DOCK3: variants seen among roughly 807,000 people sequenced by gnomAD.
The protein encoded by DOCK3 is dedicator of cytokinesis 3, also known as dedicator of cytokinesis protein 3.
Under a neutral mutation model 265.6 loss-of-function variants are expected in DOCK3, and 60 were observed. The ratio of observed to expected loss-of-function variants is 0.23; its 90% CI spans 0.18 to 0.28. The LOEUF (loss-of-function observed/expected upper bound fraction) is 0.28, where lower values mean the gene tolerates loss of function less well. Ranked by LOEUF, DOCK3 falls within the 10% of genes least tolerant of loss-of-function variation. The pLI is 1.00. For synonymous variants in DOCK3, 881 were observed against 938.0 expected (o/e 0.94, Z 1.11); for missense variants, 1,981 against 2,594.3 (o/e 0.76, Z 5.14).
chr3:50,731,710 A>G (rs1167824720), intron 1 of DOCK3, among the ~76,000 whole-genome samples: 1 of 152,096 alleles, frequency 6.6e-6, no homozygotes, highest in Non-Finnish European at 1.5e-5. Context: ...AATGGAAAGA[A>G]CCTCCTCAGT....
intron 9 of DOCK3, among the ~76,000 whole-genome samples, chr3:51,122,324 T>A (rs562430413): frequency 1.5e-4 from 23 of 152,182 alleles, no homozygotes; most frequent in Non-Finnish European, 4.4e-5. Context: ...TACAAAAAAA[T>A]TTAAAAGTAT....
intron 5 of DOCK3, among the ~76,000 whole-genome samples, chr3:51,055,920 T>C (rs2081185416): frequency 6.6e-6 from 1 of 152,240 alleles, no homozygotes; most frequent in African/African-American, 2.4e-5. Context: ...AACTCTATAA[T>C]GGAGGATGTA....
At chr3:50,810,184 G>A (rs908490145) in intron 2 of DOCK3, among the ~76,000 whole-genome samples, 5 of 152,126 alleles carry the variant, frequency 3.3e-5, no homozygotes, top group Admixed American at 2.0e-4. Context: ...GGAGGTACAA[G>A]TGGGTTTTAG....
At chr3:51,127,536 G>A (rs1197706269) in intron 9 of DOCK3, among the ~76,000 whole-genome samples, 4 of 152,226 alleles carry the variant, frequency 2.6e-5, no homozygotes, top group African/African-American at 9.6e-5. Context: ...AAATGCTGAT[G>A]TTAAGTCAAT....
intron 5 of DOCK3, among the ~76,000 whole-genome samples, chr3:50,953,375 A>C (rs1433208739): frequency 6.6e-6 from 1 of 152,170 alleles, no homozygotes; most frequent in African/African-American, 2.4e-5. Context: ...GAGAGTGGAC[A>C]TAGCAGGGCT....
At chr3:51,227,207 A>G (rs1019061946) in intron 15 of DOCK3, 76 bp from the exon 16 acceptor site, 21 of 1,531,192 alleles carry the variant, frequency 1.4e-5, no homozygotes, top group Non-Finnish European at 1.8e-5. Context: ...CAAGAGAAAG[A>G]AAAGTGTCCT....
intron 1 of DOCK3, among the ~76,000 whole-genome samples, chr3:50,714,888 T>C (rs1014407279): frequency 2.0e-5 from 3 of 152,250 alleles, no homozygotes; most frequent in Non-Finnish European, 4.4e-5. Flanking sequence ...ATTTTTGCCT[T>C]ACTCCTATTC....
chr3:50,885,385 T>C (rs1395753000), intron 3 of DOCK3, among the ~76,000 whole-genome samples: 1 of 145,966 alleles, frequency 6.9e-6, no homozygotes, highest in Non-Finnish European at 1.5e-5. Flanking sequence ...TTTTTTTGTA[T>C]GGGCATCATC....
At chr3:51,322,767 G>A (rs148038451) in intron 32 of DOCK3, among the ~76,000 whole-genome samples, 216 of 152,192 alleles carry the variant, frequency 1.4e-3, no homozygotes, top group African/African-American at 5.0e-3. Flanking sequence ...TAACTAGCTA[G>A]CATCATAATG....
chr3:50,744,710 C>G (rs1001993779), intron 1 of DOCK3, among the ~76,000 whole-genome samples: 1 of 152,220 alleles, frequency 6.6e-6, no homozygotes, highest in African/African-American at 2.4e-5. Context: ...GTTGGGGTTA[C>G]AGGCGTGAGC....
chr3:50,889,785 GT>G, intron 3 of DOCK3, among the ~76,000 whole-genome samples: 1 of 151,980 alleles, frequency 6.6e-6, no homozygotes, highest in Non-Finnish European at 1.5e-5. Context: ...AAAATTTAAA[GT>G]TTTATTTTTG....
chr3:50,961,839 A>T (rs767655459), intron 5 of DOCK3, among the ~76,000 whole-genome samples: 1 of 152,186 alleles, frequency 6.6e-6, no homozygotes, highest in Admixed American at 6.5e-5. Flanking sequence ...TCTGTTTAGT[A>T]TGGTATGTAT....
At chr3:51,249,124 G>A (rs1405526379) in intron 22 of DOCK3, among the ~76,000 whole-genome samples, 16 of 148,302 alleles carry the variant, frequency 1.1e-4, no homozygotes, top group African/African-American at 4.0e-4. Flanking sequence ...CCCCCGCCAG[G>A]CCAGCCGCCC....
chr3:51,366,621 T>C (rs1220616340), intron 49 of DOCK3, among the ~76,000 whole-genome samples: 4 of 152,142 alleles, frequency 2.6e-5, no homozygotes, highest in Non-Finnish European at 5.9e-5. Context: ...CTCTTGTGGG[T>C]ATTTAGTGCT....
chr3:50,997,699 G>A (rs1377812501), intron 5 of DOCK3, among the ~76,000 whole-genome samples: 1 of 152,128 alleles, frequency 6.6e-6, no homozygotes, highest in East Asian at 1.9e-4. Flanking sequence ...TGCTGCACTG[G>A]CTGAGTTGAA....
At chr3:50,953,736 C>T (rs1357105205) in intron 5 of DOCK3, among the ~76,000 whole-genome samples, 2 of 152,070 alleles carry the variant, frequency 1.3e-5, no homozygotes, top group Non-Finnish European at 2.9e-5. Flanking sequence ...TTCACCTCCT[C>T]ACATTAATTT....
At chr3:51,168,939 C>T (rs987508513) in intron 12 of DOCK3, among the ~76,000 whole-genome samples, 7 of 152,068 alleles carry the variant, frequency 4.6e-5, no homozygotes, top group Admixed American at 4.6e-4. Flanking sequence ...CATGTATAGA[C>T]ACCTTCAAAA....
intron 3 of DOCK3, among the ~76,000 whole-genome samples, chr3:50,856,502 G>A (rs2046604495): frequency 2.0e-5 from 3 of 150,822 alleles, no homozygotes; most frequent in Non-Finnish European, 1.5e-5. Context: ...AGAAGTTTTT[G>A]TTCATGTCCT....
chr3:51,046,732 T>G (rs1044954794), intron 5 of DOCK3, among the ~76,000 whole-genome samples: 1 of 151,994 alleles, frequency 6.6e-6, no homozygotes, highest in Non-Finnish European at 1.5e-5. Flanking sequence ...AATGACCCAA[T>G]AGACATACAC....
Sources: gnomAD v4.1 joint callset for allele counts (sites outside exome capture counted in the v4.1 genomes callset) on GRCh38, gnomAD v4.1.1 for gene constraint, MANE v1.5 for transcripts, NCBI Gene and HGNC (gene_info 2026-07-23, HGNC 2026-07-21) for gene names.